PCDH15: variants seen among roughly 807,000 people sequenced by gnomAD.
PCDH15 encodes protocadherin-15.
A neutral mutation model predicts 178.5 loss-of-function variants in PCDH15; 129 were observed. The ratio of observed to expected loss-of-function variants is 0.72; its 90% CI spans 0.63 to 0.84. The LOEUF (loss-of-function observed/expected upper bound fraction) is 0.84, where lower values mean the gene tolerates loss of function less well. Ranked by LOEUF, PCDH15 falls within the 40% of genes least tolerant of loss-of-function variation. PCDH15 has a pLI of 0.00. For synonymous variants in PCDH15, 800 were observed against 732.0 expected (o/e 1.09, Z -1.50); for missense variants, 2,230 against 2,099.9 (o/e 1.06, Z -1.21).
intron 2 of PCDH15, among the ~76,000 whole-genome samples, chr10:54,937,052 T>C (rs1837925243): frequency 1.3e-5 from 2 of 152,022 alleles, no homozygotes; most frequent in South Asian, 4.1e-4. Context: ...AACTTAATTG[T>C]TGTGTATGTA....
chr10:53,908,570 C>A (rs2082843997), intron 25 of PCDH15, among the ~76,000 whole-genome samples: 1 of 152,176 alleles, frequency 6.6e-6, no homozygotes, highest in South Asian at 2.1e-4. Context: ...ACATTCTCTC[C>A]ATCTAAAATA....
intron 1 of PCDH15, among the ~76,000 whole-genome samples, chr10:55,171,928 G>A (rs1331995175): frequency 6.6e-6 from 1 of 151,784 alleles, no homozygotes; most frequent in Non-Finnish European, 1.5e-5. Context: ...AAAAATCAAT[G>A]CCAACAAGCT....
chr10:55,377,563 A>G (rs912198661), intron 2 of PCDH15, among the ~76,000 whole-genome samples: 1 of 152,064 alleles, frequency 6.6e-6, no homozygotes, highest in African/African-American at 2.4e-5. Context: ...TAGTTGCTAT[A>G]TGTTTCAAGT....
At chr10:55,150,327 A>G (rs573478916) in intron 2 of PCDH15, among the ~76,000 whole-genome samples, 5 of 152,248 alleles carry the variant, frequency 3.3e-5, no homozygotes, top group African/African-American at 1.2e-4. Context: ...CTGCAAAAAC[A>G]GAATTTCTGA....
chr10:55,057,970 T>C (rs1841343499), intron 2 of PCDH15, among the ~76,000 whole-genome samples: 1 of 152,180 alleles, frequency 6.6e-6, no homozygotes, highest in South Asian at 2.1e-4. Context: ...TTAAATGTTT[T>C]GTTTTATTAA....
intron 27 of PCDH15, among the ~76,000 whole-genome samples, chr10:53,866,035 A>G (rs1447818856): frequency 2.0e-5 from 3 of 152,156 alleles, no homozygotes; most frequent in Non-Finnish European, 4.4e-5. Flanking sequence ...CAAATGATCT[A>G]TCACTAAACT....
At chr10:54,662,364 C>T (rs992881115) in intron 2 of PCDH15, among the ~76,000 whole-genome samples, 2 of 151,932 alleles carry the variant, frequency 1.3e-5, no homozygotes, top group Non-Finnish European at 2.9e-5. Context: ...CATTTCATCC[C>T]AGTCCATTTG....
intron 1 of PCDH15, among the ~76,000 whole-genome samples, chr10:55,256,255 T>G (rs1028241044): frequency 6.6e-6 from 1 of 152,166 alleles, no homozygotes; most frequent in South Asian, 2.1e-4. Flanking sequence ...AGAGACAAGA[T>G]GGCCGAATAG....
At chr10:54,133,331 T>C (rs1055769647) in intron 14 of PCDH15, among the ~76,000 whole-genome samples, 2 of 152,234 alleles carry the variant, frequency 1.3e-5, no homozygotes, top group Non-Finnish European at 2.9e-5. Context: ...GCTTCTCTAA[T>C]AGCAAAATCA....
chr10:54,191,819 G>A (rs903743156), intron 11 of PCDH15, among the ~76,000 whole-genome samples: 1 of 151,860 alleles, frequency 6.6e-6, no homozygotes, highest in Admixed American at 6.6e-5. Flanking sequence ...TACTTAGGAG[G>A]CTGTTGTGGG....
At chr10:54,514,549 A>T (rs539111582) in intron 3 of PCDH15, among the ~76,000 whole-genome samples, 6 of 152,038 alleles carry the variant, frequency 3.9e-5, no homozygotes, top group African/African-American at 1.2e-4. Flanking sequence ...TAGTTTTTTT[A>T]AAAAAGTATG....
At chr10:55,497,435 G>A (rs1840559384) in intron 2 of PCDH15, among the ~76,000 whole-genome samples, 1 of 151,716 alleles carries the variant, frequency 6.6e-6, no homozygotes, top group Admixed American at 6.6e-5. Context: ...TGGCTGAAAA[G>A]AGGTACTTTT....
intron 1 of PCDH15, among the ~76,000 whole-genome samples, chr10:54,754,313 G>T (rs1449121415): frequency 2.0e-5 from 3 of 152,154 alleles, no homozygotes; most frequent in Non-Finnish European, 4.4e-5. Context: ...TTGAGCCAAG[G>T]ATGAATTGGT....
upstream of PCDH15, among the ~76,000 whole-genome samples, chr10:54,805,427 T>C (rs1383103996): frequency 1.3e-5 from 2 of 152,200 alleles, no homozygotes; most frequent in East Asian, 3.9e-4. Flanking sequence ...AGCTGTTGGT[T>C]ATAATCACAA....
At chr10:54,368,970 T>G (rs1947228149) in intron 5 of PCDH15, 150 bp downstream of exon 5, 1 of 804,132 alleles carries the variant, frequency 1.2e-6, no homozygotes, top group East Asian at 2.7e-5. Flanking sequence ...AGTCACATAC[T>G]TCTTCTGAGT....
Position 55,507,795 on chromosome 10 carries a change from C to A in PCDH15, c.-156+119830G>T, listed in dbSNP as rs548933902. ...CTTAGTCACAGAAAAGATAATGGTTCGTTGTGTGGAATCCTTCAGATTTAG... is the reference window on the plus strand; with the variant it reads ...CTTAGTCACAGAAAAGATAATGGTTAGTTGTGTGGAATCCTTCAGATTTAG... On this transcript the variant is annotated intron_variant, in intron 2 of 5. Coordinates refer to the PCDH15 transcript ENST00000613346. Among the ~76,000 whole-genome samples, 113 of 151,506 alleles carry A rather than the reference C, an allele frequency of 7.5e-4. 1 individual carries two copies. Among genetic ancestry groups the A allele is most frequent in the Admixed American group, 2.3e-3 (35 of 15,122 alleles).
intron 1 of PCDH15, among the ~76,000 whole-genome samples, chr10:55,281,831 C>T (rs1359603030): frequency 6.6e-6 from 1 of 152,154 alleles, no homozygotes; most frequent in Non-Finnish European, 1.5e-5. Flanking sequence ...TGTCCAGTTA[C>T]AGAACCCTGT....
intron 1 of PCDH15, among the ~76,000 whole-genome samples, chr10:55,307,706 CTTCT>C (rs1021737620): frequency 1.3e-4 from 19 of 151,664 alleles, no homozygotes; most frequent in Admixed American, 1.3e-4. Context: ...TTCTGTTAGT[CTTCT>C]TGATCCAACT....
At chr10:55,307,458 G>A (rs1048559633) in intron 1 of PCDH15, among the ~76,000 whole-genome samples, 1 of 150,404 alleles carries the variant, frequency 6.6e-6, no homozygotes, top group Non-Finnish European at 1.5e-5. Context: ...AGCCAAGATC[G>A]CACCACTGCA....
Sources: gnomAD v4.1 joint callset for allele counts (sites outside exome capture counted in the v4.1 genomes callset) on GRCh38, gnomAD v4.1.1 for gene constraint, MANE v1.5 for transcripts, NCBI Gene and HGNC (gene_info 2026-07-23, HGNC 2026-07-21) for gene names.